Variants in OSBPL3 observed in about 807,000 individuals in gnomAD.
OSBPL3 encodes oxysterol-binding protein-related protein 3.
OSBPL3 carries 65 observed loss-of-function variants against 120.1 expected under a neutral mutation model. That is an observed-to-expected ratio of 0.54 (90% CI 0.44 to 0.67). The LOEUF is 0.67. OSBPL3 is among the 30% of genes least tolerant of loss of function. The pLI is 0.00. For synonymous variants in OSBPL3, 416 were observed against 402.6 expected (o/e 1.03, Z -0.40); for missense variants, 1,004 against 1,082.1 (o/e 0.93, Z 1.01).
Position 24,806,859 on chromosome 7 carries a change from CTG to C in OSBPL3, c.2359_2360del (p.Gln787ValfsTer7), listed in dbSNP as rs1793109257. 1.2e-6 allele frequency: 2 copies of C among 1,613,796 alleles called. No individual in the cohort carries two copies. Among genetic ancestry groups the C allele is most frequent in the Non-Finnish European group, 1.7e-6 (2 of 1,179,712 alleles). On this transcript the variant is annotated frameshift_variant, in exon 21 of 23. Coordinates refer to ENST00000313367, the MANE Select transcript of OSBPL3 (RefSeq NM_015550.4). LOFTEE classifies it high-confidence loss of function. This position sits in a 1 kb window ranked among gnomAD's most constrained non-coding sequence, Gnocchi z 5.2. ...KGYEQYYSFTQFALELNEMDP... is the reference protein window; with the variant it reads ...KGYEQYYSFTXFALELNEMDP... ...CCATTTCATTTAATTCCAGCGCAAA[CTG>C]TGTGAAGCTATAGTATTGCTCGTAG... is the stretch of plus-strand genomic sequence containing the variant.
chr7:24,889,234 T>C (rs922635188), intron 2 of OSBPL3, among the ~76,000 whole-genome samples: 4 of 152,126 alleles, frequency 2.6e-5, no homozygotes, highest in Non-Finnish European at 5.9e-5. Flanking sequence ...TTATGTTAAG[T>C]GAAATAAACC....
chr7:24,971,230 G>C (rs1816988002), intron 1 of OSBPL3, among the ~76,000 whole-genome samples: 1 of 152,246 alleles, frequency 6.6e-6, no homozygotes, highest in Admixed American at 6.5e-5. Flanking sequence ...CTGTACCCCA[G>C]TTCTGCCACT....
chr7:24,921,163 T>C (rs993247535), intron 1 of OSBPL3, among the ~76,000 whole-genome samples: 1 of 151,786 alleles, frequency 6.6e-6, no homozygotes, highest in East Asian at 1.9e-4. Flanking sequence ...CTTTGCTCTA[T>C]ATGCTTGCTT....
At chr7:24,859,263 A>G (rs1003832468) in intron 10 of OSBPL3, among the ~76,000 whole-genome samples, 2 of 152,140 alleles carry the variant, frequency 1.3e-5, no homozygotes, top group Non-Finnish European at 2.9e-5. Flanking sequence ...AATAGAGGGA[A>G]TATCTTCTCT....
rs1040191518 is a variant in OSBPL3, at chr7:24,868,381, T to C, written c.382-2144A>G. On this transcript the variant is annotated intron_variant, in intron 5 of 22. Coordinates refer to ENST00000313367, the MANE Select transcript of OSBPL3 (RefSeq NM_015550.4). ...TGTGTGTGTGTGTGTCTGTGTGTGA[T>C]GGTGTATTGATATTTTCAAGGTAAA... Among the ~76,000 whole-genome samples the C allele has an allele frequency of 3.5e-5, 5 of 142,702 alleles. No individual in the cohort carries two copies. In the South Asian group the frequency reaches 9.1e-4, roughly 26 times the overall value. 93.6% of individuals were successfully genotyped at this position (142,702 alleles called of 152,430 possible). A position where few individuals can be genotyped will look rare whatever the true frequency, so the allele number is the denominator to read the frequency against.
At chr7:24,839,448 C>T (rs559242712) in intron 14 of OSBPL3, among the ~76,000 whole-genome samples, 8 of 152,216 alleles carry the variant, frequency 5.3e-5, no homozygotes, top group Admixed American at 2.6e-4. Flanking sequence ...TCCTGCCCAT[C>T]ATTTCCCATC....
In OSBPL3 at chr7:24,936,045, CT is replaced by C. The variant is rs370225980; in HGVS notation, c.-149-43425del. Among the ~76,000 whole-genome samples the C allele has an allele frequency of 0.022, 2,952 of 135,960 alleles. 45 individuals carry two copies. Among genetic ancestry groups the C allele is most frequent in the Middle Eastern group, 0.056 (15 of 266 alleles). 89.2% of individuals were successfully genotyped at this position (135,960 alleles called of 152,430 possible). A position where few individuals can be genotyped will look rare whatever the true frequency, so the allele number is the denominator to read the frequency against. ...CTATCCCTCCCCCCTCCCCAGGAAT[CT>C]TTTTTTTTTATCACCATTTAATTCA... is the stretch of plus-strand genomic sequence containing the variant. On this transcript the variant is annotated intron_variant, in intron 1 of 22. Coordinates refer to ENST00000313367, the MANE Select transcript of OSBPL3 (RefSeq NM_015550.4). This position sits in a 1 kb window ranked among gnomAD's most constrained non-coding sequence, Gnocchi z 4.2.
chr7:24,977,027 A>G (rs1817660677), intron 1 of OSBPL3, among the ~76,000 whole-genome samples: 1 of 152,168 alleles, frequency 6.6e-6, no homozygotes, highest in African/African-American at 2.4e-5. Context: ...CTGAAAGCCT[A>G]CTGCAGGAGC....
chr7:24,929,934 C>T (rs923012625), intron 1 of OSBPL3, among the ~76,000 whole-genome samples: 4 of 152,094 alleles, frequency 2.6e-5, no homozygotes, highest in Admixed American at 1.3e-4. Flanking sequence ...TGTTCAGCCT[C>T]GTATATCTAG....
At chr7:24,836,066 TAA>T (rs905383131) in intron 14 of OSBPL3, among the ~76,000 whole-genome samples, 6 of 152,132 alleles carry the variant, frequency 3.9e-5, no homozygotes, top group African/African-American at 1.4e-4. Flanking sequence ...CCCCTGAACC[TAA>T]GAGTTTAATA....
chr7:24,974,620 A>G (rs867840354), intron 1 of OSBPL3, among the ~76,000 whole-genome samples: 1 of 152,232 alleles, frequency 6.6e-6, no homozygotes, highest in Non-Finnish European at 1.5e-5. Context: ...CAAATAGATA[A>G]ATAAAACCGT....
At chr7:24,880,623 C>CAA (rs1476201426) in intron 2 of OSBPL3, among the ~76,000 whole-genome samples, 1 of 152,176 alleles carries the variant, frequency 6.6e-6, no homozygotes, top group East Asian at 1.9e-4. Context: ...ATTTAAGTCT[C>CAA]AGAGTGTGAC....
intron 10 of OSBPL3, among the ~76,000 whole-genome samples, chr7:24,857,944 AG>A (rs1387960925): frequency 6.6e-6 from 1 of 152,212 alleles, no homozygotes; most frequent in Non-Finnish European, 1.5e-5. Flanking sequence ...TTATGGGTAA[AG>A]TGTTCCATAA....
Position 24,877,661 on chromosome 7 carries a change from T to C in OSBPL3, c.97-5592A>G, listed in dbSNP as rs1173772414. Among the ~76,000 whole-genome samples the C allele has an allele frequency of 6.6e-6, 1 of 152,132 alleles. No homozygotes were observed. The highest frequency in any genetic ancestry group is 1.5e-5 in the Non-Finnish European group (1 of 68,006). ...AGAGTCCCCCAGAACCTTCGGGACA[T>C]GGGACTTTAATAATGTGTGCTGGAT... On this transcript the variant is annotated intron_variant, in intron 2 of 22. Transcript: ENST00000313367. The surrounding 1 kb of genome is among the most constrained non-coding windows in gnomAD (Gnocchi z 4.8).
rs1809198194 is a variant in OSBPL3, at chr7:24,913,948, AAG to A, written c.-149-21329_-149-21328del. On this transcript the variant is annotated intron_variant, in intron 1 of 22. Coordinates refer to ENST00000313367, the MANE Select transcript of OSBPL3 (RefSeq NM_015550.4). This position sits in a 1 kb window ranked among gnomAD's most constrained non-coding sequence, Gnocchi z 5.3. Reference sequence around the variant, plus strand: ...TTCCTAAGGAGCAGATTCATTACGAAAGAGTCAAAATCGCAAGCACCATTCAA... The same window carrying A: ...TTCCTAAGGAGCAGATTCATTACGAAAGTCAAAATCGCAAGCACCATTCAA... Among the ~76,000 whole-genome samples the A allele has an allele frequency of 6.6e-6, 1 of 152,164 alleles. No homozygotes were observed. Among genetic ancestry groups the A allele is most frequent in the South Asian group, 2.1e-4 (1 of 4,826 alleles).
intron 2 of OSBPL3, among the ~76,000 whole-genome samples, chr7:24,882,644 G>A (rs149429259): frequency 2.6e-3 from 402 of 152,246 alleles, no homozygotes; most frequent in Non-Finnish European, 4.9e-3. Context: ...TTAGTTCTTT[G>A]GGAAATCTCC....
At chr7:24,801,021 T>A (rs769525844) in intron 22 of OSBPL3, among the ~76,000 whole-genome samples, 67 of 149,206 alleles carry the variant, frequency 4.5e-4, no homozygotes, top group Non-Finnish European at 8.6e-4. Flanking sequence ...AGCGGGCACA[T>A]CACGAGGTCA....
In OSBPL3 at chr7:24,947,223, G is replaced by T. The variant is rs2128491825; in HGVS notation, c.-150+32663C>A. ...AAGCCTTCTATAATTCCATAACAAA[G>T]GATTTAGAAAATAAAAGCAAAACTG... On this transcript the variant is annotated intron_variant, in intron 1 of 22. Coordinates refer to ENST00000313367, the MANE Select transcript of OSBPL3 (RefSeq NM_015550.4). This position sits in a 1 kb window ranked among gnomAD's most constrained non-coding sequence, Gnocchi z 4.4. 2.0e-5 allele frequency among the ~76,000 whole-genome samples: 3 copies of T among 152,212 alleles called. No homozygotes were observed. In the South Asian group the frequency reaches 6.2e-4, roughly 32 times the overall value.
chr7:24,916,924 C>CCCCCT lies in OSBPL3; in HGVS notation c.-149-24304_-149-24303insAGGGG, dbSNP rs1554404744. ...TAAGACGTCTTCCATTTCCACCCCC[C>CCCCCT]CCAACCTTTTTAGAAAATTAAATAA... On this transcript the variant is annotated intron_variant, in intron 1 of 22. Transcript: ENST00000313367. This position sits in a 1 kb window ranked among gnomAD's most constrained non-coding sequence, Gnocchi z 4.9. 6.6e-6 allele frequency among the ~76,000 whole-genome samples: 1 copy of CCCCCT among 151,612 alleles called. No individual in the cohort carries two copies. Among genetic ancestry groups the CCCCCT allele is most frequent in the Non-Finnish European group, 1.5e-5 (1 of 67,910 alleles).
Sources: gnomAD v4.1 joint callset for allele counts (sites outside exome capture counted in the v4.1 genomes callset) on GRCh38, gnomAD v4.1.1 for gene constraint, Gnocchi (gnomAD v3.1) non-coding constraint, MANE v1.5 for transcripts, NCBI Gene and HGNC (gene_info 2026-07-23, HGNC 2026-07-21) for gene names.